Variants in MEF2C observed in about 807,000 individuals in gnomAD.
The protein encoded by MEF2C is myocyte enhancer factor 2C.
A neutral mutation model predicts 50.5 loss-of-function variants in MEF2C; 6 were observed. The ratio of observed to expected loss-of-function variants is 0.12; its 90% CI spans 0.07 to 0.23. MEF2C has a LOEUF of 0.23. Ranked by LOEUF, MEF2C falls within the 10% of genes least tolerant of loss-of-function variation. The probability of loss-of-function intolerance (pLI) is 1.00; values close to 1 mark genes in which losing one functional copy is unlikely to be tolerated. For missense variants in MEF2C, 276 were observed against 605.0 expected (o/e 0.46, Z 5.70); for synonymous variants, 183 against 228.0 (o/e 0.80, Z 1.78).
chr5:88,754,356 G>A (rs557087822), intron 4 of MEF2C, among the ~76,000 whole-genome samples: 1 of 152,280 alleles, frequency 6.6e-6, no homozygotes, highest in Non-Finnish European at 1.5e-5. Flanking sequence ...CTAGAGATAG[G>A]AACAGCTTCT....
intron 2 of MEF2C, among the ~76,000 whole-genome samples, chr5:88,809,791 A>G (rs1333193852): frequency 6.6e-6 from 1 of 152,084 alleles, no homozygotes; most frequent in Non-Finnish European, 1.5e-5. Context: ...TGATTGTGGT[A>G]TTACTCCCAT....
chr5:88,831,094 ATTC>A (rs1812827691), intron 1 of MEF2C, among the ~76,000 whole-genome samples: 2 of 152,118 alleles, frequency 1.3e-5, no homozygotes, highest in African/African-American at 4.8e-5. Context: ...TGTTCGTTAT[ATTC>A]TTCATCTTTA....
At chr5:88,825,945 C>G (rs1434173524) in intron 1 of MEF2C, 1 of 151,934 alleles carries the variant, frequency 6.6e-6, no homozygotes, top group African/African-American at 2.4e-5. Flanking sequence ...TCAGGGTGAG[C>G]AGATTAGAGT....
At chr5:88,820,757 G>A (rs1807941653) in intron 2 of MEF2C, among the ~76,000 whole-genome samples, 1 of 151,952 alleles carries the variant, frequency 6.6e-6, no homozygotes, top group Non-Finnish European at 1.5e-5. Flanking sequence ...CAGGTTACGG[G>A]TGCCTCTACA....
chr5:88,817,194 A>C (rs1261860731), intron 2 of MEF2C, among the ~76,000 whole-genome samples: 3 of 151,992 alleles, frequency 2.0e-5, no homozygotes, highest in Non-Finnish European at 1.5e-5. Flanking sequence ...TCTTTCAACA[A>C]ATTTTCTATT....
intron 1 of MEF2C, among the ~76,000 whole-genome samples, chr5:88,893,249 G>A (rs1054984969): frequency 1.3e-5 from 2 of 151,990 alleles, no homozygotes; most frequent in South Asian, 4.1e-4. Context: ...AGAAAAGAAG[G>A]AAAAGAGCTA....
intron 1 of MEF2C, among the ~76,000 whole-genome samples, chr5:88,862,571 C>CTTTTT (rs1825867266): frequency 6.6e-6 from 1 of 151,926 alleles, no homozygotes; most frequent in African/African-American, 2.4e-5. Flanking sequence ...GAGAAATAAC[C>CTTTTT]TTTAAAGTTT....
intron 1 of MEF2C, among the ~76,000 whole-genome samples, chr5:88,846,579 G>T (rs772303126): frequency 6.6e-6 from 1 of 152,158 alleles, no homozygotes; most frequent in Non-Finnish European, 1.5e-5. Context: ...TGCTCAACAT[G>T]GTAGAAATAT....
At chr5:88,903,578 A>G (rs1835882933) in intron 1 of MEF2C, among the ~76,000 whole-genome samples, 1 of 148,980 alleles carries the variant, frequency 6.7e-6, no homozygotes, top group Non-Finnish European at 1.5e-5. Flanking sequence ...AGAAAAGATT[A>G]TGACAGAATT....
chr5:88,733,848 A>T (rs1286397579), intron 6 of MEF2C: 1 of 985,324 alleles, frequency 1.0e-6, no homozygotes, highest in Non-Finnish European at 1.2e-6. Flanking sequence ...CTCACTTAAG[A>T]AATGTTGGTT....
Position 88,874,759 on chromosome 5 carries a change from T to C in MEF2C, c.-143+8196A>G, listed in dbSNP as rs145130240. On this transcript the variant is annotated intron_variant, in intron 1 of 10. Transcript: ENST00000504921. ...TTGGTCTAATTTGGTAAATTTCATA[T>C]AGGCAATTAATAATTAGTGTAGTGG... Among the ~76,000 whole-genome samples the C allele has an allele frequency of 4.9e-3, 745 of 152,108 alleles. 3 individuals carry two copies. Among genetic ancestry groups the C allele is most frequent in the African/African-American group, 0.017 (709 of 41,550 alleles).
chr5:88,837,235 G>A (rs1199254430), intron 1 of MEF2C, among the ~76,000 whole-genome samples: 1 of 152,074 alleles, frequency 6.6e-6, no homozygotes, highest in East Asian at 1.9e-4. Context: ...ACCAATACTT[G>A]GCTCAGTGCT....
At chr5:88,742,664 A>G in intron 6 of MEF2C, 2 of 985,356 alleles carry the variant, frequency 2.0e-6, no homozygotes, top group African/African-American at 1.7e-5. Context: ...AAGTCAAACC[A>G]AAGGGGTCGA....
intron 3 of MEF2C, among the ~76,000 whole-genome samples, chr5:88,791,548 A>G (rs1793758457): frequency 1.3e-5 from 2 of 152,182 alleles, no homozygotes; most frequent in African/African-American, 4.8e-5. Flanking sequence ...GCCTCACATT[A>G]CTATTTGTTC....
At chr5:88,856,553 C>T (rs1288961609) in intron 1 of MEF2C, among the ~76,000 whole-genome samples, 1 of 152,176 alleles carries the variant, frequency 6.6e-6, no homozygotes, top group Non-Finnish European at 1.5e-5. Context: ...ATCACAGGCC[C>T]AGAGGCCTAG....
intron 6 of MEF2C, chr5:88,735,434 C>T: frequency 1.0e-6 from 1 of 985,262 alleles, no homozygotes; most frequent in Non-Finnish European, 1.2e-6. Context: ...CCTCTGACCA[C>T]TTAAAGGCAC....
chr5:88,749,338 G>T (rs1771502471), intron 5 of MEF2C: 1 of 983,340 alleles, frequency 1.0e-6, no homozygotes, highest in Non-Finnish European at 1.2e-6. Flanking sequence ...TTTTTTCTAA[G>T]AAAGTTACAT....
At chr5:88,766,519 A>G (rs1469288163) in intron 3 of MEF2C, 1 of 398,848 alleles carries the variant, frequency 2.5e-6, no homozygotes, top group Non-Finnish European at 3.4e-6. Flanking sequence ...TATTTAAGTA[A>G]AATTCAGCTT....
chr5:88,756,319 C>G (rs764636334), intron 4 of MEF2C, among the ~76,000 whole-genome samples: 3 of 152,282 alleles, frequency 2.0e-5, no homozygotes, highest in East Asian at 3.9e-4. Flanking sequence ...TACCTTCCCC[C>G]CTTTTGGAGT....
Sources: allele counts gnomAD v4.1 joint callset (sites outside exome capture counted in the v4.1 genomes callset), GRCh38; gene constraint gnomAD v4.1.1; transcripts MANE v1.5; gene names NCBI Gene and HGNC (gene_info 2026-07-23, HGNC 2026-07-21).